PLN: variants seen among roughly 807,000 people sequenced by gnomAD.
The protein encoded by PLN is phospholamban.
A neutral mutation model predicts 3.9 loss-of-function variants in PLN; 1 was observed. That is an observed-to-expected ratio of 0.26 (90% CI 0.09 to 1.23). PLN has a LOEUF of 1.23. PLN is among the 50% of genes most tolerant of loss of function. The pLI is 0.48. For missense variants in PLN, 59 were observed against 62.7 expected (o/e 0.94, Z 0.20); for synonymous variants, 21 against 20.5 (o/e 1.02, Z -0.07).
At position 118,557,845 on chromosome 6, in the gene PLN, T is replaced by A. The variant is rs573699405; in HGVS notation, c.-97-980T>A. Among the ~76,000 whole-genome samples, 7 of 152,366 alleles carry A rather than the reference T, an allele frequency of 4.6e-5. No individual in the cohort carries two copies. The South Asian group carries it at 1.4e-3, about 32-fold the overall frequency. ...GTATTTGAATTGTTTTTGATCTGCA[T>A]GGAGCTGGATGTGCTCCTGACAATT... On this transcript the variant is annotated intron_variant, in intron 1 of 1. Coordinates refer to ENST00000357525, the MANE Select transcript of PLN (RefSeq NM_002667.5).
At chr6:118,553,176 G>C (rs948929863) in intron 1 of PLN, among the ~76,000 whole-genome samples, 2 of 143,872 alleles carry the variant, frequency 1.4e-5, no homozygotes, top group Middle Eastern at 3.8e-3. Flanking sequence ...GCTTTCCATC[G>C]AAAAAGTACT....
intron 1 of PLN, among the ~76,000 whole-genome samples, chr6:118,556,905 A>G (rs1240204131): frequency 2.6e-5 from 4 of 152,196 alleles, no homozygotes; most frequent in South Asian, 4.1e-4. Flanking sequence ...TTTTTCTGTA[A>G]TGACATGTAA....
Position 118,559,274 on chromosome 6 carries a change from A to C in PLN, c.*194A>C, listed in dbSNP as rs1779089509. On this transcript the variant is annotated 3_prime_UTR_variant, in exon 2 of 2. Coordinates refer to ENST00000357525, the MANE Select transcript of PLN (RefSeq NM_002667.5). ...TCTGTTGGATCTTGTAAACATGAAA[A>C]GGGCTTTATTTTCAAAAATTAACTT... 1.7e-6 allele frequency: 1 copy of C among 603,102 alleles called. No homozygotes were observed. The highest frequency in any genetic ancestry group is 3.0e-6 in the Non-Finnish European group (1 of 328,884). The allele number at this position is 603,102 out of a possible 1,614,324, so 37.4% of individuals were successfully genotyped here.
In PLN at chr6:118,560,594, G is replaced by A. The variant is rs1432475806; in HGVS notation, c.*1514G>A. ...CAATTCAAGCCCTTGTTGTTCAAGG[G>A]TCAACTGTAATAGGATATAGCTATT... On this transcript the variant is annotated 3_prime_UTR_variant, in exon 2 of 2. Transcript: ENST00000357525. The A allele has an allele frequency of 6.0e-6, 1 of 166,944 alleles. No individual in the cohort carries two copies. The highest frequency in any genetic ancestry group is 2.4e-5 in the African/African-American group (1 of 41,402). The allele number at this position is 166,944 out of a possible 1,614,324, so 10.3% of individuals were successfully genotyped here. A position where few individuals can be genotyped will look rare whatever the true frequency, so the allele number is the denominator to read the frequency against.
intron 1 of PLN, among the ~76,000 whole-genome samples, chr6:118,554,863 G>A (rs1054871566): frequency 2.0e-5 from 3 of 152,152 alleles, no homozygotes; most frequent in African/African-American, 4.8e-5. Context: ...ATCACAAAAG[G>A]GAATGGAGTA....
At position 118,561,046 on chromosome 6, in the gene PLN, C is replaced by T. The variant is rs182488418; in HGVS notation, c.*1966C>T. Among the ~76,000 whole-genome samples the T allele has an allele frequency of 3.9e-5, 6 of 152,092 alleles. No individual in the cohort carries two copies. The highest frequency in any genetic ancestry group is 3.3e-4 in the Admixed American group (5 of 15,250). On this transcript the variant is annotated 3_prime_UTR_variant, in exon 2 of 2. Transcript: ENST00000357525. ...GTTTCTTACACAAGTGTTGCTAACT[C>T]AATAGTGAAGGAGACACTATTAAAT... is the stretch of plus-strand genomic sequence containing the variant.
chr6:118,551,422 T>C (rs1392946596), intron 1 of PLN, among the ~76,000 whole-genome samples: 3 of 151,902 alleles, frequency 2.0e-5, no homozygotes, highest in Admixed American at 1.3e-4. Flanking sequence ...TTCTCAATAC[T>C]ACCTCCCCAT....
Position 118,548,750 on chromosome 6 carries a change from A to G in PLN, c.-98+358A>G, listed in dbSNP as rs181816543. ...GTAGTAGTGGTTAATTTCTCCATGC[A>G]AAAACAATGACTTAATTTTGTTATT... On this transcript the variant is annotated intron_variant, in intron 1 of 1. Coordinates refer to ENST00000357525, the MANE Select transcript of PLN (RefSeq NM_002667.5). Among the ~76,000 whole-genome samples, 29 of 152,224 alleles carry G rather than the reference A, an allele frequency of 1.9e-4. No homozygotes were observed. In the East Asian group the frequency reaches 3.7e-3, roughly 19 times the overall value.
At chr6:118,551,260 T>C (rs1333316538) in intron 1 of PLN, among the ~76,000 whole-genome samples, 2 of 151,848 alleles carry the variant, frequency 1.3e-5, no homozygotes, top group Non-Finnish European at 3.0e-5. Flanking sequence ...AGCATACTCA[T>C]AGTCAACTGA....
intron 1 of PLN, among the ~76,000 whole-genome samples, chr6:118,555,326 G>A (rs911658916): frequency 6.6e-6 from 1 of 151,266 alleles, no homozygotes; most frequent in Non-Finnish European, 1.5e-5. Context: ...TACTCGGGAG[G>A]CTAAGGCAGG....
At chr6:118,549,151 T>G (rs767043846) in intron 1 of PLN, among the ~76,000 whole-genome samples, 1 of 151,918 alleles carries the variant, frequency 6.6e-6, no homozygotes, top group Non-Finnish European at 1.5e-5. Context: ...AAAAGTTATT[T>G]TGACACACGA....
intron 1 of PLN, among the ~76,000 whole-genome samples, chr6:118,555,400 C>T (rs2114950099): frequency 6.8e-6 from 1 of 146,046 alleles, no homozygotes; most frequent in African/African-American, 2.5e-5. Flanking sequence ...TGCACTCCAG[C>T]CTGGGCAACA....
Position 118,560,825 on chromosome 6 carries a change from T to C in PLN, c.*1745T>C, listed in dbSNP as rs530813789. 1.3e-5 allele frequency: 2 copies of C among 153,726 alleles called. No individual in the cohort carries two copies. The highest frequency in any genetic ancestry group is 1.9e-4 in the East Asian group (1 of 5,184). The allele number at this position is 153,726 out of a possible 1,614,324, so 9.5% of individuals were successfully genotyped here. ...GCTGGAAAATATATTCACCAAACTT[T>C]GGTAATTTAAGTTGACTAAAGTTTA... On this transcript the variant is annotated 3_prime_UTR_variant, in exon 2 of 2. Coordinates refer to ENST00000357525, the MANE Select transcript of PLN (RefSeq NM_002667.5).
At chr6:118,549,405 C>T (rs1346755262) in intron 1 of PLN, among the ~76,000 whole-genome samples, 1 of 151,670 alleles carries the variant, frequency 6.6e-6, no homozygotes, top group East Asian at 1.9e-4. Context: ...GAAACGTTTC[C>T]TCATTCTTAG....
intron 1 of PLN, among the ~76,000 whole-genome samples, chr6:118,555,383 G>GT (rs1279587265): frequency 2.0e-5 from 3 of 146,676 alleles, no homozygotes; most frequent in Non-Finnish European, 4.5e-5. Flanking sequence ...AGCCGAGATC[G>GT]TGCCACTGCA....
intron 1 of PLN, among the ~76,000 whole-genome samples, chr6:118,556,511 C>T (rs899185859): frequency 1.3e-5 from 2 of 152,220 alleles, no homozygotes; most frequent in Admixed American, 6.5e-5. Context: ...AAGTAAATGC[C>T]GGGTTCTAAC....
intron 1 of PLN, among the ~76,000 whole-genome samples, chr6:118,552,936 G>A (rs893128531): frequency 4.0e-5 from 6 of 151,896 alleles, no homozygotes; most frequent in African/African-American, 1.2e-4. Flanking sequence ...GGGCCTAGAA[G>A]ACAATTTGAT....
chr6:118,550,712 A>G (rs1583027753), intron 1 of PLN, among the ~76,000 whole-genome samples: 1 of 152,064 alleles, frequency 6.6e-6, no homozygotes. Context: ...GGCTTAAAGT[A>G]AACCATGACA....
At chr6:118,551,444 C>A (rs1375745166) in intron 1 of PLN, among the ~76,000 whole-genome samples, 1 of 151,856 alleles carries the variant, frequency 6.6e-6, no homozygotes, top group African/African-American at 2.4e-5. Context: ...TTCTCTTCCC[C>A]CAGAAAAGAT....
Sources: allele counts gnomAD v4.1 joint callset (sites outside exome capture counted in the v4.1 genomes callset), GRCh38; gene constraint gnomAD v4.1.1; transcripts MANE v1.5; gene names NCBI Gene and HGNC (gene_info 2026-07-23, HGNC 2026-07-21).